STXBP5L: variants seen among roughly 807,000 people sequenced by gnomAD.
STXBP5L encodes syntaxin binding protein 5L, also known as syntaxin-binding protein 5-like.
In STXBP5L, 65 loss-of-function variants were observed where a neutral mutation model predicts 144.5. That is an observed-to-expected ratio of 0.45 (90% CI 0.37 to 0.55). STXBP5L has a LOEUF of 0.55. Among genes scored for constraint, STXBP5L ranks in the 20% least tolerant of loss-of-function variants. The pLI is 0.00. For synonymous variants in STXBP5L, 505 were observed against 469.6 expected, an observed-to-expected ratio of 1.08 and a Z score of -0.97; for missense variants, 1,298 against 1,405.5, an observed-to-expected ratio of 0.92 and a Z score of 1.22.
intron 9 of STXBP5L, among the ~76,000 whole-genome samples, chr3:121,170,706 T>A (rs1216256258): frequency 6.6e-6 from 1 of 152,178 alleles, no homozygotes; most frequent in East Asian, 1.9e-4. Context: ...ATTATTAGCC[T>A]ACCAACCAAA....
intron 10 of STXBP5L, among the ~76,000 whole-genome samples, chr3:121,209,617 G>C (rs1264308978): frequency 6.6e-6 from 1 of 151,232 alleles, no homozygotes; most frequent in African/African-American, 2.4e-5. Context: ...AGTGTGTGAT[G>C]TTCCCCTTCC....
At chr3:121,125,600 T>C (rs572279901) in intron 7 of STXBP5L, among the ~76,000 whole-genome samples, 1 of 152,292 alleles carries the variant, frequency 6.6e-6, no homozygotes, top group South Asian at 2.1e-4. Context: ...GAGATGCCTG[T>C]ATTGATTTGA....
intron 19 of STXBP5L, among the ~76,000 whole-genome samples, chr3:121,288,045 A>C (rs1174065633): frequency 6.6e-6 from 1 of 152,240 alleles, no homozygotes; most frequent in Non-Finnish European, 1.5e-5. Flanking sequence ...TCTAAAGTTC[A>C]TACAGAAATT....
chr3:121,411,817 C>G (rs925465665), intron 23 of STXBP5L, among the ~76,000 whole-genome samples: 3 of 152,054 alleles, frequency 2.0e-5, no homozygotes, highest in Non-Finnish European at 4.4e-5. Flanking sequence ...GCACAGTGAA[C>G]TGGACCCACA....
At chr3:121,245,834 A>G (rs1577294985) in intron 14 of STXBP5L, among the ~76,000 whole-genome samples, 2 of 152,256 alleles carry the variant, frequency 1.3e-5, no homozygotes, top group East Asian at 3.8e-4. Flanking sequence ...ATAACACAAT[A>G]ATAGTAATAT....
chr3:121,004,001 T>C (rs1261574129), intron 3 of STXBP5L, among the ~76,000 whole-genome samples: 2 of 152,148 alleles, frequency 1.3e-5, no homozygotes, highest in African/African-American at 2.4e-5. Context: ...CCAGCTTTGT[T>C]CTTTTGGCTT....
chr3:120,930,759 T>C (rs185447093), intron 2 of STXBP5L, among the ~76,000 whole-genome samples: 3 of 152,164 alleles, frequency 2.0e-5, no homozygotes, highest in Admixed American at 1.3e-4. Context: ...GAATGTGGTA[T>C]TCCTTTGTCA....
At chr3:121,220,924 C>G (rs954398197) in intron 10 of STXBP5L, among the ~76,000 whole-genome samples, 1 of 151,976 alleles carries the variant, frequency 6.6e-6, no homozygotes, top group African/African-American at 2.4e-5. Context: ...TATATATACA[C>G]ATAGCACAAT....
chr3:121,093,454 G>T (rs2042936913), intron 5 of STXBP5L, among the ~76,000 whole-genome samples: 1 of 152,174 alleles, frequency 6.6e-6, no homozygotes, highest in Non-Finnish European at 1.5e-5. Flanking sequence ...TTCAGCTCCT[G>T]TTATTGGTCT....
At position 121,156,655 on chromosome 3, in the gene STXBP5L, T is replaced by C. The variant is rs564910313; in HGVS notation, c.754-849T>C. Among the ~76,000 whole-genome samples, 13 of 152,044 alleles carry C rather than the reference T, an allele frequency of 8.6e-5. No individual in the cohort carries two copies. The South Asian group carries it at 2.1e-3, about 24-fold the overall frequency. On this transcript the variant is annotated intron_variant, in intron 8 of 26. Coordinates refer to ENST00000471454, the MANE Select transcript of STXBP5L (RefSeq NM_001308330.2). ...TGGGAAAATGAAATACAGTCAGCCC[T>C]CCGTATCCATAAATTCCATATCCTT...
chr3:121,006,937 T>C (rs1330139885), intron 3 of STXBP5L, among the ~76,000 whole-genome samples: 1 of 152,204 alleles, frequency 6.6e-6, no homozygotes, highest in Non-Finnish European at 1.5e-5. Flanking sequence ...TCTGATGGGC[T>C]TCCCTTTGTG....
At chr3:120,980,694 A>C (rs1442660118) in intron 3 of STXBP5L, among the ~76,000 whole-genome samples, 1 of 151,968 alleles carries the variant, frequency 6.6e-6, no homozygotes, top group African/African-American at 2.4e-5. Flanking sequence ...CATTTAGTTC[A>C]TTTACATTCA....
intron 22 of STXBP5L, among the ~76,000 whole-genome samples, chr3:121,386,967 G>C (rs547949056): frequency 1.3e-5 from 2 of 152,280 alleles, no homozygotes; most frequent in South Asian, 4.1e-4. Flanking sequence ...CCAGATCCTT[G>C]AGGAATTGCC....
chr3:121,159,778 C>T (rs898497737), intron 9 of STXBP5L, among the ~76,000 whole-genome samples: 5 of 151,482 alleles, frequency 3.3e-5, no homozygotes, highest in South Asian at 2.1e-4. Context: ...TACAGGCGCC[C>T]GCTACCATGC....
At chr3:121,168,556 A>G (rs1025930516) in intron 9 of STXBP5L, among the ~76,000 whole-genome samples, 13 of 152,208 alleles carry the variant, frequency 8.5e-5, no homozygotes, top group African/African-American at 2.9e-4. Flanking sequence ...ACAAGTATCA[A>G]TAGCTGAACT....
intron 6 of STXBP5L, among the ~76,000 whole-genome samples, chr3:121,116,156 T>C (rs944735710): frequency 2.0e-5 from 3 of 152,130 alleles, no homozygotes; most frequent in African/African-American, 7.2e-5. Flanking sequence ...CAACTTTTAT[T>C]TAACACGTTT....
intron 6 of STXBP5L, among the ~76,000 whole-genome samples, chr3:121,115,726 G>A (rs917084532): frequency 2.6e-5 from 4 of 152,134 alleles, no homozygotes; most frequent in Admixed American, 2.6e-4. Flanking sequence ...GGCTTTACAG[G>A]AAGCATGGTG....
In STXBP5L at chr3:121,228,566, A is replaced by C. The variant is rs568638608; in HGVS notation, c.1112-5050A>C. On this transcript the variant is annotated intron_variant, in intron 11 of 26. Transcript: ENST00000471454. The stretch of plus-strand genomic sequence containing the variant: ...GAATTAAAAATCAAAACCTCTTGCA[A>C]TCTTACTAAAAGCAATTGAACCTTT... Among the ~76,000 whole-genome samples, 7 of 152,330 alleles carry C rather than the reference A, an allele frequency of 4.6e-5. No homozygotes were observed. The South Asian group carries it at 1.5e-3, about 32-fold the overall frequency.
At chr3:121,049,395 G>A (rs1947772579) in intron 5 of STXBP5L, among the ~76,000 whole-genome samples, 3 of 152,112 alleles carry the variant, frequency 2.0e-5, no homozygotes, top group African/African-American at 7.2e-5. Flanking sequence ...TGCTCAGTGA[G>A]AAGTAGCAGG....
Sources: gnomAD v4.1 joint callset for allele counts (sites outside exome capture counted in the v4.1 genomes callset) on GRCh38, gnomAD v4.1.1 for gene constraint, MANE v1.5 for transcripts, NCBI Gene and HGNC (gene_info 2026-07-23, HGNC 2026-07-21) for gene names.